Variants in PTGER3 observed in about 807,000 individuals in gnomAD.
PTGER3 encodes prostaglandin E2 receptor EP3 subtype.
PTGER3 carries 22 observed loss-of-function variants against 34.7 expected under a neutral mutation model. The ratio of observed to expected loss-of-function variants is 0.63; its 90% CI spans 0.45 to 0.91. The LOEUF (loss-of-function observed/expected upper bound fraction) is 0.91, where lower values mean the gene tolerates loss of function less well. Ranked by LOEUF, PTGER3 falls within the 40% of genes least tolerant of loss-of-function variation. The pLI, the probability that PTGER3 is intolerant of heterozygous loss-of-function variation, is 0.00. For synonymous variants in PTGER3, 241 were observed against 230.1 expected (o/e 1.05, Z -0.43); for missense variants, 468 against 519.4 (o/e 0.90, Z 0.96).
chr1:70,904,137 G>A (rs112485099), intron 4 of PTGER3, among the ~76,000 whole-genome samples: 29 of 152,214 alleles, frequency 1.9e-4, no homozygotes, highest in African/African-American at 4.6e-4. Context: ...TTGCCTGCCC[G>A]CCATCAATGT....
chr1:70,885,284 TA>T (rs1231218316), intron 4 of PTGER3, among the ~76,000 whole-genome samples: 1 of 152,160 alleles, frequency 6.6e-6, no homozygotes, highest in Non-Finnish European at 1.5e-5. Flanking sequence ...ACTCCATCCA[TA>T]AAAAATGTGT....
rs111678016 is a variant in PTGER3 at position 70,939,419 on chromosome 1, T to C, written c.*23+14344A>G. On this transcript the variant is annotated intron_variant, in intron 4 of 4. Coordinates refer to the PTGER3 transcript ENST00000370931. ...GGGGTCTGGAGGAAGGTGGCCCTCT[T>C]CTTACAGCTCCACTAGGCAGTGCCC... is the stretch of plus-strand genomic sequence containing the variant. 4.4e-3 allele frequency among the ~76,000 whole-genome samples: 668 copies of C among 152,314 alleles called. 6 individuals are homozygous for C. The highest frequency in any genetic ancestry group is 0.015 in the African/African-American group (628 of 41,574).
At chr1:71,046,006 A>C (rs1358279310) in intron 1 of PTGER3, among the ~76,000 whole-genome samples, 1 of 151,466 alleles carries the variant, frequency 6.6e-6, no homozygotes, top group Non-Finnish European at 1.5e-5. Context: ...TAAAAAAAAA[A>C]AACCCGGCCG....
chr1:70,865,189 C>T (rs1306943403), intron 4 of PTGER3, among the ~76,000 whole-genome samples: 6 of 152,262 alleles, frequency 3.9e-5, no homozygotes, highest in East Asian at 3.9e-4. Context: ...ATGAGGTCAG[C>T]AGGAGAGGTT....
At chr1:70,979,298 A>G (rs1031606593) in intron 2 of PTGER3, among the ~76,000 whole-genome samples, 8 of 151,636 alleles carry the variant, frequency 5.3e-5, no homozygotes, top group Non-Finnish European at 1.2e-4. Context: ...TTTCTATTTT[A>G]TAGGTGAAAA....
chr1:70,915,109 G>A (rs1443741166), intron 4 of PTGER3, among the ~76,000 whole-genome samples: 1 of 151,808 alleles, frequency 6.6e-6, no homozygotes, highest in Non-Finnish European at 1.5e-5. Flanking sequence ...CTTGGCATGA[G>A]GAGCATTTAC....
At chr1:70,909,807 G>T (rs998987968) in intron 4 of PTGER3, among the ~76,000 whole-genome samples, 3 of 152,284 alleles carry the variant, frequency 2.0e-5, no homozygotes, top group Admixed American at 6.5e-5. Context: ...GAAAGGAAAA[G>T]AAAAATGTTT....
chr1:71,008,782 G>T (rs1421740062), intron 2 of PTGER3: 1 of 957,130 alleles, frequency 1.0e-6, no homozygotes, highest in African/African-American at 1.8e-5. Flanking sequence ...GTGAAAATTT[G>T]TCATTGTTGA....
At chr1:70,853,647 T>C (rs1216387325) in intron 4 of PTGER3, among the ~76,000 whole-genome samples, 1 of 152,018 alleles carries the variant, frequency 6.6e-6, no homozygotes, top group Non-Finnish European at 1.5e-5. Flanking sequence ...TATGAAGGGG[T>C]AAAATAATAC....
At chr1:70,879,600 TA>T (rs1423992055) in intron 4 of PTGER3, among the ~76,000 whole-genome samples, 2 of 152,180 alleles carry the variant, frequency 1.3e-5, no homozygotes, top group Admixed American at 1.3e-4. Context: ...TGTCTGAAAT[TA>T]AAATAGTTAC....
At chr1:71,027,499 C>A (rs768626724) in intron 1 of PTGER3, among the ~76,000 whole-genome samples, 1 of 152,176 alleles carries the variant, frequency 6.6e-6, no homozygotes, top group Non-Finnish European at 1.5e-5. Context: ...AATGGTTTTG[C>A]AGGAATTGGC....
chr1:70,880,618 A>T (rs1412096600), intron 4 of PTGER3, among the ~76,000 whole-genome samples: 2 of 150,452 alleles, frequency 1.3e-5, no homozygotes, highest in Non-Finnish European at 3.0e-5. Flanking sequence ...TGAACCCAGG[A>T]GGCGGAGGTT....
Position 70,970,812 on chromosome 1 carries a change from T to G in PTGER3, c.*918A>C. On this transcript the variant is annotated 3_prime_UTR_variant, in exon 4 of 4. Transcript: ENST00000306666. ...TAGAAGTCCACAAAGTTTTTTATTT[T>G]AATACAGACAAAATAGATTCTTTTA... The G allele has an allele frequency of 2.3e-6, 2 of 875,876 alleles. No homozygotes were observed. 54.3% of individuals were successfully genotyped at this position (875,876 alleles called of 1,614,324 possible).
At chr1:71,024,587 A>T (rs938491734) in intron 1 of PTGER3, among the ~76,000 whole-genome samples, 4 of 151,586 alleles carry the variant, frequency 2.6e-5, no homozygotes, top group Non-Finnish European at 4.4e-5. Context: ...ATTTGGGGGT[A>T]CAGATTCTAG....
chr1:71,011,719 A>G, intron 2 of PTGER3: 1 of 975,656 alleles, frequency 1.0e-6, no homozygotes, highest in Non-Finnish European at 1.2e-6. Context: ...AATATTATAA[A>G]TACATTATAC....
downstream of PTGER3, among the ~76,000 whole-genome samples, chr1:70,968,171 A>G (rs1301889242): frequency 2.0e-5 from 3 of 152,184 alleles, no homozygotes; most frequent in East Asian, 3.8e-4. Flanking sequence ...CTGCAATACA[A>G]TGGGGGCTGG....
At chr1:70,993,941 C>T (rs1655694904) in intron 2 of PTGER3, among the ~76,000 whole-genome samples, 1 of 152,188 alleles carries the variant, frequency 6.6e-6, no homozygotes, top group Admixed American at 6.5e-5. Context: ...TCTTCAAAGG[C>T]TCTTCGTTCT....
intron 2 of PTGER3, chr1:71,010,266 A>T (rs1471569889): frequency 1.0e-6 from 1 of 984,308 alleles, no homozygotes; most frequent in Non-Finnish European, 1.2e-6. Context: ...GCAGTATGAC[A>T]CTACACCCTT....
At chr1:70,961,935 A>G (rs1651969467) in intron 2 of PTGER3, among the ~76,000 whole-genome samples, 1 of 152,194 alleles carries the variant, frequency 6.6e-6, no homozygotes, top group African/African-American at 2.4e-5. Context: ...CCACAAACTC[A>G]AAGTTGAGGC....
Sources: gnomAD v4.1 joint callset for allele counts (sites outside exome capture counted in the v4.1 genomes callset) on GRCh38, gnomAD v4.1.1 for gene constraint, MANE v1.5 for transcripts, NCBI Gene and HGNC (gene_info 2026-07-23, HGNC 2026-07-21) for gene names.